The following STN1 variants were observed in gnomAD, a reference collection of about 807,000 sequenced individuals.
The protein encoded by STN1 is CST complex subunit STN1.
STN1 carries 29 observed loss-of-function variants against 45.5 expected under a neutral mutation model. The ratio of observed to expected loss-of-function variants is 0.64; its 90% confidence interval spans 0.47 to 0.87. The LOEUF is 0.87. Ranked by LOEUF, STN1 falls within the 40% of genes least tolerant of loss-of-function variation. The pLI is 0.00. For missense variants in STN1, 376 were observed against 441.4 expected (o/e 0.85, Z 1.33); for synonymous variants, 148 against 159.0 (o/e 0.93, Z 0.52).
At chr10:103,917,144 C>A (rs1843338061) in intron 2 of STN1, among the ~76,000 whole-genome samples, 1 of 151,286 alleles carries the variant, frequency 6.6e-6, no homozygotes, top group Admixed American at 6.6e-5. Context: ...TCTGGCCCAG[C>A]GATCTCTCCA....
At chr10:103,912,359 T>C (rs1843297565) in intron 2 of STN1, among the ~76,000 whole-genome samples, 1 of 152,182 alleles carries the variant, frequency 6.6e-6, no homozygotes, top group Non-Finnish European at 1.5e-5. Context: ...TGTAGCCAGT[T>C]CCAACTGGCT....
At chr10:103,900,632 T>C (rs574818888) in intron 4 of STN1, among the ~76,000 whole-genome samples, 7 of 152,230 alleles carry the variant, frequency 4.6e-5, no homozygotes, top group African/African-American at 1.4e-4. Flanking sequence ...TTGTCCCATC[T>C]GAGTGCTCAA....
intron 3 of STN1, among the ~76,000 whole-genome samples, chr10:103,908,780 G>A (rs1402898121): frequency 6.6e-6 from 1 of 152,154 alleles, no homozygotes; most frequent in African/African-American, 2.4e-5. Flanking sequence ...AGCTCCTTTA[G>A]ACACAGGCTT....
chr10:103,898,618 T>C (rs967696717), intron 6 of STN1, among the ~76,000 whole-genome samples: 1 of 152,224 alleles, frequency 6.6e-6, no homozygotes, highest in African/African-American at 2.4e-5. Context: ...TCTCTGCTCC[T>C]GCCTCCACTC....
chr10:103,913,084 G>A (rs11191865), intron 2 of STN1, among the ~76,000 whole-genome samples: 67,578 of 152,152 alleles, frequency 0.44, 15,733 homozygotes, highest in Admixed American at 0.5. Context: ...ATATACCACT[G>A]TCGTGGTTTT....
intron 5 of STN1, among the ~76,000 whole-genome samples, chr10:103,899,475 T>G (rs549022290): frequency 6.6e-6 from 1 of 152,292 alleles, no homozygotes; most frequent in African/African-American, 2.4e-5. Flanking sequence ...TGGGCGGATC[T>G]CTTGAGCTCA....
At chr10:103,885,439 T>C (rs1408753992) in intron 9 of STN1, among the ~76,000 whole-genome samples, 1 of 152,174 alleles carries the variant, frequency 6.6e-6, no homozygotes, top group Non-Finnish European at 1.5e-5. Flanking sequence ...CCCAAAGCAG[T>C]GATGCTGACT....
At position 103,882,034 on chromosome 10, in the gene STN1, G is replaced by C. The variant is rs1037886948; in HGVS notation, c.*650C>G. 6.6e-6 allele frequency among the ~76,000 whole-genome samples: 1 copy of C among 152,202 alleles called. No individual in the cohort carries two copies. The highest frequency in any genetic ancestry group is 2.4e-5 in the African/African-American group (1 of 41,452). ...AGGGAAATGTACTGGGACACCTTTCGATTCCCAAGGAAATAAAAGGAAAAT... is the reference window on the plus strand; with the variant it reads ...AGGGAAATGTACTGGGACACCTTTCCATTCCCAAGGAAATAAAAGGAAAAT... On this transcript the variant is annotated 3_prime_UTR_variant, in exon 10 of 10. Transcript: ENST00000224950.
At chr10:103,902,725 T>C (rs914078305) in intron 4 of STN1, among the ~76,000 whole-genome samples, 1 of 152,240 alleles carries the variant, frequency 6.6e-6, no homozygotes, top group Admixed American at 6.5e-5. Context: ...CTAAATTTTG[T>C]TTAAAAAATT....
chr10:103,891,126 T>C (rs1843136931), intron 8 of STN1, among the ~76,000 whole-genome samples: 1 of 152,188 alleles, frequency 6.6e-6, no homozygotes, highest in Non-Finnish European at 1.5e-5. Context: ...CAGCTCTTCT[T>C]TTAAGAGTCA....
chr10:103,899,046 A>G, intron 5 of STN1, 46 bp from the exon 6 acceptor site: 1 of 1,603,492 alleles, frequency 6.2e-7, no homozygotes, highest in South Asian at 1.1e-5. Context: ...TACAAATTAC[A>G]TTGAGATCAA....
At chr10:103,909,735 T>G (rs1263395240) in intron 3 of STN1, among the ~76,000 whole-genome samples, 1 of 152,026 alleles carries the variant, frequency 6.6e-6, no homozygotes, top group Admixed American at 6.6e-5. Flanking sequence ...TCAACTGCCT[T>G]CTATCTTTCC....
chr10:103,897,530 T>G lies in STN1; in HGVS notation c.753+18A>C, dbSNP rs2134364761. 3.7e-6 allele frequency: 6 copies of G among 1,611,924 alleles called. No homozygotes were observed. Among genetic ancestry groups the G allele is most frequent in the Non-Finnish European group, 5.1e-6 (6 of 1,178,512 alleles). On this transcript the variant is annotated intron_variant, in intron 7 of 9. Coordinates refer to ENST00000224950, the MANE Select transcript of STN1 (RefSeq NM_024928.5). The stretch of plus-strand genomic sequence containing the variant: ...GGGGCAGGGAACCAGAATTCTCACA[T>G]GGGCATGCTGCACTCACTTGGTCGG...
chr10:103,889,446 G>A (rs1239034181), intron 8 of STN1, among the ~76,000 whole-genome samples: 1 of 151,966 alleles, frequency 6.6e-6, no homozygotes, highest in African/African-American at 2.4e-5. Context: ...GTTATTTGTT[G>A]TTATAGTTTT....
chr10:103,895,945 GAA>G (rs1843168292), intron 7 of STN1, among the ~76,000 whole-genome samples: 1 of 152,168 alleles, frequency 6.6e-6, no homozygotes. Flanking sequence ...ATACGTCAAT[GAA>G]AAGTGTGGTG....
intron 4 of STN1, among the ~76,000 whole-genome samples, chr10:103,901,937 A>T (rs1356785213): frequency 1.3e-5 from 2 of 152,196 alleles, no homozygotes; most frequent in African/African-American, 4.8e-5. Context: ...GATTTTTAAT[A>T]CCTTAAAAAA....
chr10:103,904,932 C>T (rs1181928255), intron 4 of STN1, among the ~76,000 whole-genome samples, 159 bp downstream of exon 4: 1 of 152,172 alleles, frequency 6.6e-6, no homozygotes, highest in African/African-American at 2.4e-5. Context: ...CATCAGTTTT[C>T]AGAGCAGCCA....
At chr10:103,906,142 A>AAT (rs1843239150) in intron 3 of STN1, among the ~76,000 whole-genome samples, 1 of 152,210 alleles carries the variant, frequency 6.6e-6, no homozygotes, top group African/African-American at 2.4e-5. Context: ...AATAAATCCT[A>AAT]GATGGGTTTC....
At chr10:103,915,973 G>C (rs541355853) in intron 2 of STN1, among the ~76,000 whole-genome samples, 30 of 152,024 alleles carry the variant, frequency 2.0e-4, no homozygotes, top group Non-Finnish European at 3.2e-4. Flanking sequence ...ACAGGATGTG[G>C]GGCTCAGGCA....
Sources: allele counts gnomAD v4.1 joint callset (sites outside exome capture counted in the v4.1 genomes callset), GRCh38; gene constraint gnomAD v4.1.1; transcripts MANE v1.5; gene names NCBI Gene and HGNC (gene_info 2026-07-23, HGNC 2026-07-21).